AKT3: variants seen among roughly 807,000 people sequenced by gnomAD.
The protein encoded by AKT3 is AKT serine/threonine kinase 3.
A neutral mutation model predicts 65.3 loss-of-function variants in AKT3; 15 were observed. The ratio of observed to expected loss-of-function variants is 0.23; its 90% CI spans 0.15 to 0.35. The LOEUF is 0.35. Ranked by LOEUF, AKT3 falls within the 10% of genes least tolerant of loss-of-function variation. The probability of loss-of-function intolerance (pLI) is 1.00; values close to 1 mark genes in which losing one functional copy is unlikely to be tolerated. For missense variants in AKT3, 243 were observed against 576.5 expected, an observed-to-expected ratio of 0.42 and a Z score of 5.92; for synonymous variants, 206 against 183.8, an observed-to-expected ratio of 1.12 and a Z score of -0.98.
intron 3 of AKT3, among the ~76,000 whole-genome samples, chr1:243,686,901 G>A (rs1684365941): frequency 6.6e-6 from 1 of 151,148 alleles, no homozygotes; most frequent in African/African-American, 2.4e-5. Context: ...CTGACCTCAA[G>A]TGATCCACCC....
intron 13 of AKT3, chr1:243,488,937 T>A: frequency 1.2e-6 from 2 of 1,604,546 alleles, no homozygotes; most frequent in Non-Finnish European, 1.7e-6. Context: ...GGGGCTTCCC[T>A]CAGATACACA....
intron 2 of AKT3, among the ~76,000 whole-genome samples, chr1:243,776,619 A>G (rs899731738): frequency 1.3e-5 from 2 of 152,228 alleles, no homozygotes; most frequent in East Asian, 3.8e-4. Flanking sequence ...TTGTTATGGC[A>G]GCTTGAACAG....
chr1:243,694,585 C>CTT (rs1684937179), intron 3 of AKT3, among the ~76,000 whole-genome samples: 1 of 151,078 alleles, frequency 6.6e-6, no homozygotes, highest in East Asian at 1.9e-4. Flanking sequence ...TCTTTTAACC[C>CTT]TTTGGTTTAT....
chr1:243,634,398 T>C (rs1415242783), intron 6 of AKT3, among the ~76,000 whole-genome samples: 3 of 151,980 alleles, frequency 2.0e-5, no homozygotes, highest in Non-Finnish European at 2.9e-5. Flanking sequence ...ATTAGGCACA[T>C]CCTTTATAAA....
At chr1:243,583,168 G>A (rs2926013) in intron 8 of AKT3, among the ~76,000 whole-genome samples, 34,877 of 110,326 alleles carry the variant, frequency 0.32, 6,176 homozygotes, top group Middle Eastern at 0.43. Flanking sequence ...GTATATGTGT[G>A]TGTATATATA....
rs1669180457 is a variant in AKT3, at chr1:243,500,544, T to A, written c.*4705A>T. On this transcript the variant is annotated 3_prime_UTR_variant, in exon 14 of 14. Coordinates refer to ENST00000673466, the MANE Select transcript of AKT3 (RefSeq NM_005465.7). Reference sequence around the variant, plus strand: ...AAATAGTATTTCTACTATACACAATTAAGCCCTCAAATGCTTTAAAGTAAT... The same window carrying A: ...AAATAGTATTTCTACTATACACAATAAAGCCCTCAAATGCTTTAAAGTAAT... 1 of 227,200 alleles carries A rather than the reference T, an allele frequency of 4.4e-6. No homozygotes were observed. The highest frequency in any genetic ancestry group is 1.8e-4 in the South Asian group (1 of 5,490). The allele number at this position is 227,200 out of a possible 1,614,324, so 14.1% of individuals were successfully genotyped here.
At chr1:243,532,892 C>T (rs1671639747) in intron 12 of AKT3, among the ~76,000 whole-genome samples, 2 of 152,094 alleles carry the variant, frequency 1.3e-5, no homozygotes, top group Admixed American at 1.3e-4. Context: ...TGTGTATTTC[C>T]AGGAATGTGT....
intron 3 of AKT3, among the ~76,000 whole-genome samples, chr1:243,672,698 A>T (rs1475904391): frequency 2.0e-5 from 3 of 152,238 alleles, no homozygotes; most frequent in Non-Finnish European, 4.4e-5. Flanking sequence ...AAGTCACGAT[A>T]TGTTAATGTG....
chr1:243,849,244 G>A (rs1572451810), intron 1 of AKT3, among the ~76,000 whole-genome samples: 1 of 152,232 alleles, frequency 6.6e-6, no homozygotes, highest in East Asian at 1.9e-4. Context: ...TGCCGCCGCC[G>A]CCAGCAGCGA....
chr1:243,641,914 T>C (rs1680421821), intron 5 of AKT3, among the ~76,000 whole-genome samples: 1 of 152,016 alleles, frequency 6.6e-6, no homozygotes, highest in Non-Finnish European at 1.5e-5. Context: ...CCAGCCTAAG[T>C]GATAGGAGTG....
chr1:243,843,178 C>T lies in AKT3; in HGVS notation c.-8G>A. ...AATGGTAACATCGCTCATGATGACT[C>T]CCCTCTGAGCCCCCAACTTGGAGAA... On this transcript the variant is annotated 5_prime_UTR_variant, in exon 2 of 14. Coordinates refer to ENST00000673466, the MANE Select transcript of AKT3 (RefSeq NM_005465.7). 1 of 1,611,844 alleles carries T rather than the reference C, an allele frequency of 6.2e-7. No homozygotes were observed. Among genetic ancestry groups the T allele is most frequent in the South Asian group, 1.1e-5 (1 of 90,532 alleles).
chr1:243,801,218 C>T (rs528757282), intron 2 of AKT3, among the ~76,000 whole-genome samples: 29 of 152,238 alleles, frequency 1.9e-4, no homozygotes, highest in African/African-American at 7.0e-4. Context: ...ATTAAATAAA[C>T]ATTTCTTGAA....
At chr1:243,840,991 A>T (rs1695206582) in intron 2 of AKT3, among the ~76,000 whole-genome samples, 1 of 152,154 alleles carries the variant, frequency 6.6e-6, no homozygotes, top group Non-Finnish European at 1.5e-5. Context: ...TATCTCTGAC[A>T]AAGGAGGTAG....
rs574423034 is a variant in AKT3 at position 243,622,930 on chromosome 1, G to C, written c.562-7769C>G. ...TGCCAGTAATCAAGCAAACGCATTGGGTTATTTTAATGGACTTACGTGCAG... is the reference window on the plus strand; with the variant it reads ...TGCCAGTAATCAAGCAAACGCATTGCGTTATTTTAATGGACTTACGTGCAG... On this transcript the variant is annotated intron_variant, in intron 6 of 13. Transcript: ENST00000673466. Among the ~76,000 whole-genome samples, 13 of 152,278 alleles carry C rather than the reference G, an allele frequency of 8.5e-5. No individual in the cohort carries two copies. The South Asian group carries it at 2.7e-3, about 32-fold the overall frequency.
At chr1:243,587,477 T>A (rs1395287609) in intron 8 of AKT3, among the ~76,000 whole-genome samples, 4 of 151,968 alleles carry the variant, frequency 2.6e-5, no homozygotes, top group African/African-American at 9.7e-5. Context: ...CTGGGCATGG[T>A]GGCGGGCGCT....
At chr1:243,817,443 A>G (rs1693598695) in intron 2 of AKT3, among the ~76,000 whole-genome samples, 1 of 152,200 alleles carries the variant, frequency 6.6e-6, no homozygotes, top group South Asian at 2.1e-4. Flanking sequence ...AGAAAATAAT[A>G]TTTTAAACTG....
rs375923710 is a variant in AKT3 at position 243,844,444 on chromosome 1, A to C, written c.-112-1162T>G. Among the ~76,000 whole-genome samples the C allele has an allele frequency of 2.0e-5, 3 of 152,246 alleles. No homozygotes were observed. In the East Asian group the frequency reaches 5.8e-4, roughly 29 times the overall value. On this transcript the variant is annotated intron_variant, in intron 1 of 13. Coordinates refer to ENST00000673466, the MANE Select transcript of AKT3 (RefSeq NM_005465.7). ...GAGCTCTTGGGAAGACAATGCAAAT[A>C]ACAAAACACAACAGGCTTTCCTATT...
downstream of AKT3, among the ~76,000 whole-genome samples, chr1:243,496,987 G>C (rs1044738451): frequency 6.6e-6 from 1 of 152,224 alleles, no homozygotes; most frequent in East Asian, 1.9e-4. Context: ...ACAGCCACAG[G>C]AGGGCCACAG....
intron 8 of AKT3, among the ~76,000 whole-genome samples, chr1:243,589,321 A>G (rs1055013751): frequency 4.7e-5 from 7 of 149,450 alleles, no homozygotes; most frequent in Non-Finnish European, 7.4e-5. Flanking sequence ...AAAAAAAAAA[A>G]AAAGAAAAAA....
Sources: allele counts gnomAD v4.1 joint callset (sites outside exome capture counted in the v4.1 genomes callset), GRCh38; gene constraint gnomAD v4.1.1; transcripts MANE v1.5; gene names NCBI Gene and HGNC (gene_info 2026-07-23, HGNC 2026-07-21).